The following MITF variants were observed in gnomAD, a reference collection of about 807,000 sequenced individuals.
MITF encodes the protein melanocyte inducing transcription factor, also known as microphthalmia-associated transcription factor.
Under a neutral mutation model 60.5 loss-of-function variants are expected in MITF, and 17 were observed. The ratio of observed to expected loss-of-function variants is 0.28; its 90% CI spans 0.19 to 0.42. The LOEUF (loss-of-function observed/expected upper bound fraction) is 0.42, where lower values mean the gene tolerates loss of function less well. MITF is among the 10% of genes least tolerant of loss of function. The pLI, the probability that MITF is intolerant of heterozygous loss-of-function variation, is 1.00. For synonymous variants in MITF, 260 were observed against 248.5 expected (o/e 1.05, Z -0.43); for missense variants, 622 against 683.5 (o/e 0.91, Z 1.00).
At chr3:69,844,241 CA>C (rs2063691361) in intron 1 of MITF, among the ~76,000 whole-genome samples, 1 of 151,896 alleles carries the variant, frequency 6.6e-6, no homozygotes, top group Admixed American at 6.6e-5. Context: ...CTATAGTAAC[CA>C]AAACAGCATG....
intron 2 of MITF, among the ~76,000 whole-genome samples, chr3:69,913,469 C>G (rs1182416752): frequency 6.6e-6 from 1 of 152,022 alleles, no homozygotes; most frequent in African/African-American, 2.4e-5. Flanking sequence ...TCTCATTTGC[C>G]TTTTTAGTAA....
chr3:69,818,356 G>A (rs2063214294), intron 1 of MITF, among the ~76,000 whole-genome samples: 1 of 152,026 alleles, frequency 6.6e-6, no homozygotes, highest in South Asian at 2.1e-4. Context: ...TTCTCTTGAG[G>A]AGGCATTGAT....
intron 1 of MITF, among the ~76,000 whole-genome samples, chr3:69,819,957 C>G (rs1205315048): frequency 2.0e-5 from 3 of 152,060 alleles, no homozygotes; most frequent in Non-Finnish European, 4.4e-5. Flanking sequence ...AAGTGAGACT[C>G]TGTCTCAAAA....
intron 1 of MITF, among the ~76,000 whole-genome samples, chr3:69,825,199 G>T (rs982693467): frequency 2.8e-4 from 43 of 152,116 alleles, no homozygotes; most frequent in African/African-American, 9.9e-4. Context: ...TAGTATTATG[G>T]GGTTCTGTGC....
chr3:69,883,641 T>C (rs942762914), intron 2 of MITF, among the ~76,000 whole-genome samples: 17 of 152,200 alleles, frequency 1.1e-4, no homozygotes, highest in African/African-American at 3.9e-4. Context: ...ATTTTGTTTC[T>C]GGTTTATTTA....
chr3:69,911,463 C>T (rs1398438642), intron 2 of MITF, among the ~76,000 whole-genome samples: 3 of 152,084 alleles, frequency 2.0e-5, no homozygotes, highest in Non-Finnish European at 4.4e-5. Context: ...CCACTGTGTG[C>T]AATTCCTGTT....
At chr3:69,831,028 T>G (rs2063438347) in intron 1 of MITF, among the ~76,000 whole-genome samples, 1 of 152,234 alleles carries the variant, frequency 6.6e-6, no homozygotes, top group Non-Finnish European at 1.5e-5. Context: ...TACCCCTCAG[T>G]TTCCTCATCT....
chr3:69,842,009 CTT>C (rs1156908422), intron 1 of MITF, among the ~76,000 whole-genome samples: 1 of 152,176 alleles, frequency 6.6e-6, no homozygotes, highest in African/African-American at 2.4e-5. Flanking sequence ...TTACATAACT[CTT>C]TGTTAAATCT....
intron 1 of MITF, among the ~76,000 whole-genome samples, chr3:69,849,664 C>A (rs1177397619): frequency 2.6e-5 from 4 of 152,188 alleles, no homozygotes; most frequent in African/African-American, 7.2e-5. Context: ...CTCTCTGACC[C>A]CAGAGCCTGG....
intron 9 of MITF, among the ~76,000 whole-genome samples, chr3:69,959,919 T>A (rs1454665439): frequency 6.6e-6 from 1 of 152,202 alleles, no homozygotes; most frequent in African/African-American, 2.4e-5. Context: ...CGTTCAGGCA[T>A]GAGCTACAGT....
chr3:69,894,387 T>C (rs527739488), intron 2 of MITF, among the ~76,000 whole-genome samples: 54 of 152,184 alleles, frequency 3.5e-4, no homozygotes, highest in Non-Finnish European at 7.3e-4. Context: ...TTTAATTTTA[T>C]TGGACTGCGC....
intron 2 of MITF, among the ~76,000 whole-genome samples, chr3:69,916,836 A>T (rs1002071552): frequency 2.6e-5 from 4 of 152,172 alleles, no homozygotes; most frequent in Non-Finnish European, 2.9e-5. Context: ...CGGTATTTAC[A>T]AGTGGATTCT....
In MITF at chr3:69,849,345, G is replaced by T. The variant is rs557538489; in HGVS notation, c.105-29789G>T. Among the ~76,000 whole-genome samples the T allele has an allele frequency of 1.2e-4, 19 of 152,220 alleles. No individual in the cohort carries two copies. In the South Asian group the frequency reaches 3.7e-3, roughly 30 times the overall value. On this transcript the variant is annotated intron_variant, in intron 1 of 9. Coordinates refer to ENST00000352241, the MANE Select transcript of MITF (RefSeq NM_001354604.2). ...GATGTAAATTAAGGATTTCAGTTACGGTGCTGTTTTAGAGGAGTTCCCTTT... is the reference window on the plus strand; with the variant it reads ...GATGTAAATTAAGGATTTCAGTTACTGTGCTGTTTTAGAGGAGTTCCCTTT...
At chr3:69,840,497 T>C (rs1003778478) in intron 1 of MITF, among the ~76,000 whole-genome samples, 1 of 151,624 alleles carries the variant, frequency 6.6e-6, no homozygotes. Context: ...GATTGGCACC[T>C]CGGAAAGGGA....
At chr3:69,793,399 G>A (rs977463217) in intron 1 of MITF, among the ~76,000 whole-genome samples, 1 of 152,130 alleles carries the variant, frequency 6.6e-6, no homozygotes, top group South Asian at 2.1e-4. Context: ...TCTCAAGCTC[G>A]GCATTTTAGT....
At chr3:69,952,744 A>G (rs1485893755) in intron 7 of MITF, among the ~76,000 whole-genome samples, 2 of 152,190 alleles carry the variant, frequency 1.3e-5, no homozygotes, top group Admixed American at 6.5e-5. Flanking sequence ...CACAGAAAAT[A>G]AATCATATGG....
rs1170427998 is a variant in MITF at position 69,879,117 on chromosome 3, T to C, written c.105-17T>C. On this transcript the variant is annotated splice_polypyrimidine_tract_variant and intron_variant, in intron 1 of 9. Transcript: ENST00000352241. Reference sequence around the variant, plus strand: ...ATTAGGAAACTAAATGTTGTATGCATTTTGGTTTTCCCACAGCAGTTCCGC... The same window carrying C: ...ATTAGGAAACTAAATGTTGTATGCACTTTGGTTTTCCCACAGCAGTTCCGC... 1.2e-6 allele frequency: 2 copies of C among 1,609,190 alleles called. No homozygotes were observed. The highest frequency in any genetic ancestry group is 1.1e-5 in the South Asian group (1 of 90,968).
chr3:69,874,000 T>C (rs770617903), intron 1 of MITF, among the ~76,000 whole-genome samples: 6 of 152,274 alleles, frequency 3.9e-5, no homozygotes, highest in Non-Finnish European at 8.8e-5. Flanking sequence ...CCCTGTAGCT[T>C]AACCCATACA....
chr3:69,782,117 T>C (rs2062575263), intron 1 of MITF, among the ~76,000 whole-genome samples: 2 of 152,350 alleles, frequency 1.3e-5, no homozygotes, highest in Admixed American at 6.5e-5. Context: ...GCCCCTGGCA[T>C]TGTGCAGTGC....
Sources: allele counts gnomAD v4.1 joint callset (sites outside exome capture counted in the v4.1 genomes callset), GRCh38; gene constraint gnomAD v4.1.1; transcripts MANE v1.5; gene names NCBI Gene and HGNC (gene_info 2026-07-23, HGNC 2026-07-21).